The following GDF10 variants were observed in gnomAD, a reference collection of about 807,000 sequenced individuals.
GDF10 encodes growth differentiation factor 10, also known as growth/differentiation factor 10.
In GDF10, 23 loss-of-function variants were observed where a neutral mutation model predicts 32.1. The observed-to-expected ratio is 0.72, with a 90% CI of 0.52 to 1.02. GDF10 has a LOEUF of 1.02. Ranked by LOEUF, GDF10 falls within the 50% of genes least tolerant of loss-of-function variation. GDF10 has a pLI of 0.00. For missense variants in GDF10, 764 were observed against 673.9 expected, an observed-to-expected ratio of 1.13 and a Z score of -1.48; for synonymous variants, 328 against 303.1, an observed-to-expected ratio of 1.08 and a Z score of -0.85.
Position 47,310,429 on chromosome 10 carries a change from TC to T in GDF10, c.955del (p.His319ThrfsTer13). ...CCGCCGCGCGCCCACGCACAGCACT[TC>T]CACAAGCACCAGCTGTGGCCCAGCC... ...ERPPRAHAQH[F>X]HKHQLWPSPF... On this transcript the variant is annotated frameshift_variant, in exon 2 of 3. Coordinates refer to ENST00000580279, the MANE Select transcript of GDF10 (RefSeq NM_004962.5). LOFTEE classifies it high-confidence loss of function. The T allele has an allele frequency of 6.2e-7, 1 of 1,612,720 alleles. No individual in the cohort carries two copies. Among genetic ancestry groups the T allele is most frequent in the Non-Finnish European group, 8.5e-7 (1 of 1,179,700 alleles).
At position 47,300,358 on chromosome 10, in the gene GDF10, T is replaced by C. The variant is rs1257188470; in HGVS notation, c.-294T>C. 9 of 318,240 alleles carry C rather than the reference T, an allele frequency of 2.8e-5. No individual in the cohort carries two copies. The allele number at this position is 318,240 out of a possible 1,614,324, so 19.7% of individuals were successfully genotyped here. On this transcript the variant is annotated 5_prime_UTR_variant, in exon 1 of 3. Transcript: ENST00000580279. ...CGGGCGCGCAGTGGGCTACAAACTT[T>C]CGCGGCGCGAGTCCGCCAAGGCAGC...
chr10:47,310,150 T>G lies in GDF10; in HGVS notation c.674T>G (p.Leu225Arg). The G allele has an allele frequency of 6.2e-7, 1 of 1,612,070 alleles. No homozygotes were observed. The highest frequency in any genetic ancestry group is 8.5e-7 in the Non-Finnish European group (1 of 1,179,508). Residue 225 changes from leucine to arginine, a missense_variant, in exon 2 of 3, where the codon CTG becomes CGG. Coordinates refer to ENST00000580279, the MANE Select transcript of GDF10 (RefSeq NM_004962.5). ...GGCGAGCTGCTCCTCTCCGCCCAGC[T>G]GGATTCTGAGGAGAGGGACCCGGGG... ...RDGELLLSAQ[L>R]DSEERDPGVP...
In GDF10 at chr10:47,300,887, T is replaced by C. The variant is rs1565744956; in HGVS notation, c.236T>C (p.Met79Thr). The stretch of plus-strand genomic sequence containing the variant: ...GCCCAGGACATGGTCGCTGTCCACA[T>C]GCACAGGCTCTATGAGAAGTACAGC... The part of the protein sequence containing the change: ...PSAQDMVAVH[M>T]HRLYEKYSRQ... The change falls in exon 1 of 3, where the codon ATG becomes ACG. Residue 79 changes from methionine to threonine, a missense_variant. Coordinates refer to ENST00000580279, the MANE Select transcript of GDF10 (RefSeq NM_004962.5). 6.3e-7 allele frequency: 1 copy of C among 1,588,218 alleles called. No individual in the cohort carries two copies. The highest frequency in any genetic ancestry group is 8.5e-7 in the Non-Finnish European group (1 of 1,175,414).
Position 47,310,446 on chromosome 10 carries a change from T to C in GDF10, c.970T>C (p.Trp324Arg), listed in dbSNP as rs978214142. The C allele has an allele frequency of 1.2e-6, 2 of 1,613,364 alleles. No homozygotes were observed. Among genetic ancestry groups the C allele is most frequent in the Non-Finnish European group, 1.7e-6 (2 of 1,179,788 alleles). The stretch of plus-strand genomic sequence containing the variant: ...ACAGCACTTCCACAAGCACCAGCTG[T>C]GGCCCAGCCCCTTCCGGGCGCTGAA... ...HAQHFHKHQL[W>R]PSPFRALKPR... Residue 324 changes from tryptophan (W) to arginine (R), a missense_variant, in exon 2 of 3, where the codon TGG becomes CGG. Physicochemically the swap from Trp to Arg is moderately radical, Grantham distance 101. Coordinates refer to ENST00000580279, the MANE Select transcript of GDF10 (RefSeq NM_004962.5).
At position 47,309,912 on chromosome 10, in the gene GDF10, C is replaced by T; in HGVS notation, c.436C>T (p.Leu146Phe). Residue 146 changes from leucine to phenylalanine, a missense_variant, in exon 2 of 3, where the codon CTC becomes TTC. Leu to Phe is a conservative substitution (Grantham distance 22). Transcript: ENST00000580279. ...YSEPPRWPRA[L>F]EVLCKPRAKN... ...AGAGCCGCCTCGGTGGCCTCGAGCG[C>T]TCGAGGTGCTATGCAAGCCGCGGGC... 4 of 1,612,918 alleles carry T rather than the reference C, an allele frequency of 2.5e-6. No individual in the cohort carries two copies. The highest frequency in any genetic ancestry group is 3.4e-6 in the Non-Finnish European group (4 of 1,179,916).
chr10:47,312,164 T>G (rs887292190), intron 2 of GDF10, among the ~76,000 whole-genome samples: 12 of 152,140 alleles, frequency 7.9e-5, no homozygotes, highest in Admixed American at 2.0e-4. Flanking sequence ...TTCCCTTCAG[T>G]GACAAGAGCA....
At chr10:47,307,144 C>A (rs782004092) in intron 1 of GDF10, among the ~76,000 whole-genome samples, 9 of 151,992 alleles carry the variant, frequency 5.9e-5, no homozygotes, top group African/African-American at 7.3e-5. Context: ...TATCTGTCTC[C>A]CCTCTAGGCT....
At chr10:47,305,249 C>T (rs2061019134) in intron 1 of GDF10, among the ~76,000 whole-genome samples, 1 of 152,204 alleles carries the variant, frequency 6.6e-6, no homozygotes, top group African/African-American at 2.4e-5. Context: ...CATAACTGTT[C>T]TGAGCCCTTG....
rs147038163 is a variant in GDF10 at position 47,302,836 on chromosome 10, G to A, written c.319+1866G>A. Among the ~76,000 whole-genome samples, 264 of 152,330 alleles carry A rather than the reference G, an allele frequency of 1.7e-3. 1 individual carries two copies. Among genetic ancestry groups the A allele is most frequent in the African/African-American group, 5.9e-3 (246 of 41,570 alleles). Reference sequence around the variant, plus strand: ...ACAAGCCTGGGAAATCAGGATTCTGGTAGTCTGGAGTGTCTGACAAATCCC... The same window carrying A: ...ACAAGCCTGGGAAATCAGGATTCTGATAGTCTGGAGTGTCTGACAAATCCC... On this transcript the variant is annotated intron_variant, in intron 1 of 2. Coordinates refer to ENST00000580279, the MANE Select transcript of GDF10 (RefSeq NM_004962.5).
chr10:47,306,831 A>T (rs1209707546), intron 1 of GDF10, among the ~76,000 whole-genome samples: 4 of 152,140 alleles, frequency 2.6e-5, no homozygotes, highest in Admixed American at 6.5e-5. Flanking sequence ...CACATGTTGG[A>T]AGGAGAAGAA....
Position 47,300,473 on chromosome 10 carries a change from C to T in GDF10, c.-179C>T. 1.9e-6 allele frequency: 1 copy of T among 539,576 alleles called. No individual in the cohort carries two copies. The highest frequency in any genetic ancestry group is 2.0e-5 in the African/African-American group (1 of 49,360). 33.4% of individuals were successfully genotyped at this position (539,576 alleles called of 1,614,324 possible). The stretch of plus-strand genomic sequence containing the variant: ...TCGGGCCGCCGGTACCCACGGACCG[C>T]GCGCCCGGGTGCCTGCTCCGCTAAG... On this transcript the variant is annotated 5_prime_UTR_variant, in exon 1 of 3. Coordinates refer to ENST00000580279, the MANE Select transcript of GDF10 (RefSeq NM_004962.5).
At chr10:47,304,184 A>G (rs782762937) in intron 1 of GDF10, among the ~76,000 whole-genome samples, 33 of 152,176 alleles carry the variant, frequency 2.2e-4, no homozygotes, top group Non-Finnish European at 2.4e-4. Context: ...AGAGACTGCC[A>G]GGAGTTTGGT....
rs2060999735 is a variant in GDF10 at position 47,300,548 on chromosome 10, C to T, written c.-104C>T. On this transcript the variant is annotated 5_prime_UTR_variant, in exon 1 of 3. Coordinates refer to ENST00000580279, the MANE Select transcript of GDF10 (RefSeq NM_004962.5). ...TATCCAGCGCCCTGCTGCCCGGGCT[C>T]TCCCCGCGCGCCCTACTGCCGCGAG... is the stretch of plus-strand genomic sequence containing the variant. 1.8e-6 allele frequency: 2 copies of T among 1,087,560 alleles called. No homozygotes were observed. The highest frequency in any genetic ancestry group is 2.6e-6 in the Non-Finnish European group (2 of 783,546). 67.4% of individuals were successfully genotyped at this position (1,087,560 alleles called of 1,614,324 possible).
chr10:47,306,169 A>G (rs2061022445), intron 1 of GDF10, among the ~76,000 whole-genome samples: 1 of 152,246 alleles, frequency 6.6e-6, no homozygotes, highest in South Asian at 2.1e-4. Context: ...TCAAGCATGC[A>G]GAACACTCAG....
At position 47,312,640 on chromosome 10, in the gene GDF10, G is replaced by A; in HGVS notation, c.1285G>A (p.Val429Ile). 2 of 1,604,830 alleles carry A rather than the reference G, an allele frequency of 1.2e-6. No individual in the cohort carries two copies. Among genetic ancestry groups the A allele is most frequent in the Non-Finnish European group, 1.7e-6 (2 of 1,175,396 alleles). ...CAACCATGCCACCATCCAGAGCATT[G>A]TCAGGGCTGTGGGCATCATCCCTGG... ...PSNHATIQSI[V>I]RAVGIIPGIP... Residue 429 changes from valine to isoleucine, a missense_variant, in exon 3 of 3, where the codon GTC becomes ATC. Physicochemically the swap from Val to Ile is conservative, Grantham distance 29 (BLOSUM62 3). Coordinates refer to ENST00000580279, the MANE Select transcript of GDF10 (RefSeq NM_004962.5).
Position 47,312,584 on chromosome 10 carries a change from C to T in GDF10, c.1246-17C>T, listed in dbSNP as rs782155157. On this transcript the variant is annotated splice_polypyrimidine_tract_variant and intron_variant, in intron 2 of 2. Transcript: ENST00000580279. ...AGGGCGGAGCTGAGGTAACCCTACT[C>T]CTTTTCTGCCTTGCAGATCGTTCGT... The T allele has an allele frequency of 3.2e-6, 5 of 1,555,140 alleles. No individual in the cohort carries two copies. Among genetic ancestry groups the T allele is most frequent in the Non-Finnish European group, 4.4e-6 (5 of 1,145,358 alleles).
intron 1 of GDF10, among the ~76,000 whole-genome samples, chr10:47,304,397 G>GGA (rs2061015574): frequency 1.6e-5 from 2 of 127,286 alleles, no homozygotes; most frequent in South Asian, 3.4e-4. Context: ...GAGAGAGGGA[G>GGA]AGAGAGGGAG....
chr10:47,311,694 G>T (rs1588846344), intron 2 of GDF10, among the ~76,000 whole-genome samples: 1 of 152,316 alleles, frequency 6.6e-6, no homozygotes, highest in South Asian at 2.1e-4. Context: ...CCAGGCAGAT[G>T]CAAGCCCGGA....
At chr10:47,309,257 A>G (rs782091388) in intron 1 of GDF10, among the ~76,000 whole-genome samples, 9 of 152,188 alleles carry the variant, frequency 5.9e-5, no homozygotes, top group Admixed American at 1.3e-4. Flanking sequence ...GCGTTTATTT[A>G]TTTCGTCTCT....
Sources: allele counts gnomAD v4.1 joint callset (sites outside exome capture counted in the v4.1 genomes callset), GRCh38; gene constraint gnomAD v4.1.1; transcripts MANE v1.5; gene names NCBI Gene and HGNC (gene_info 2026-07-23, HGNC 2026-07-21).